FERMT2: variants seen among roughly 807,000 people sequenced by gnomAD.
FERMT2 encodes FERM domain containing kindlin 2.
A neutral mutation model predicts 82.7 loss-of-function variants in FERMT2; 15 were observed. That is an observed-to-expected ratio of 0.18 (90% CI 0.12 to 0.28). The LOEUF (loss-of-function observed/expected upper bound fraction) is 0.28. Among genes scored for constraint, FERMT2 ranks in the 10% least tolerant of loss-of-function variants. FERMT2 has a pLI of 1.00. For missense variants in FERMT2, 645 were observed against 809.4 expected, an observed-to-expected ratio of 0.80 and a Z score of 2.46; for synonymous variants, 274 against 271.5, an observed-to-expected ratio of 1.01 and a Z score of -0.09.
chr14:52,870,527 C>T (rs993827902), intron 10 of FERMT2, among the ~76,000 whole-genome samples: 4 of 152,224 alleles, frequency 2.6e-5, no homozygotes, highest in Non-Finnish European at 5.9e-5. Flanking sequence ...GGATTATAGG[C>T]ATGAGCCACC....
At position 52,950,400 on chromosome 14, in the gene FERMT2, G is replaced by C. The variant is rs765214339; in HGVS notation, c.157+12C>G. The C allele has an allele frequency of 1.2e-6, 2 of 1,610,050 alleles. No homozygotes were observed. Among genetic ancestry groups the C allele is most frequent in the Non-Finnish European group, 1.7e-6 (2 of 1,178,152 alleles). Reference sequence around the variant, plus strand: ...GAAGTCATTAGTTGGACGCGGCTGGGATGCTACTCACCGAGTTTCTCCACC... The same window carrying C: ...GAAGTCATTAGTTGGACGCGGCTGGCATGCTACTCACCGAGTTTCTCCACC... On this transcript the variant is annotated intron_variant, in intron 2 of 14. Coordinates refer to ENST00000341590, the MANE Select transcript of FERMT2 (RefSeq NM_006832.3).
At chr14:52,938,691 CAAGT>C (rs1364501210) in intron 2 of FERMT2, among the ~76,000 whole-genome samples, 3 of 152,070 alleles carry the variant, frequency 2.0e-5, no homozygotes, top group Non-Finnish European at 4.4e-5. Context: ...CTCAGCCTCC[CAAGT>C]AACTGAGACC....
intron 4 of FERMT2, among the ~76,000 whole-genome samples, chr14:52,890,966 C>T (rs1010089854): frequency 2.0e-5 from 3 of 152,156 alleles, no homozygotes; most frequent in Admixed American, 6.6e-5. Context: ...GGCAACCCTT[C>T]CCCATATTCC....
At chr14:52,950,318 T>C in intron 2 of FERMT2, 94 bp downstream of exon 2, 4 of 1,299,888 alleles carry the variant, frequency 3.1e-6, no homozygotes, top group Non-Finnish European at 4.3e-6. Context: ...ATGCCAAGAT[T>C]TCTCAAATGG....
Position 52,881,056 on chromosome 14 carries a change from A to T in FERMT2, c.835T>A (p.Phe279Ile). The T allele has an allele frequency of 6.2e-7, 1 of 1,611,048 alleles. No homozygotes were observed. Residue 279 changes from phenylalanine (F) to isoleucine (I), a missense_variant, in exon 6 of 15, where the codon TTT becomes ATT. Phe to Ile is a conservative substitution (Grantham distance 21). Transcript: ENST00000341590. Reference protein sequence around the residue: ...ALLLRFKYYSFFDLNPKYDAI... With the variant: ...ALLLRFKYYSIFDLNPKYDAI... ...GGTACCTTTGGATTCAAATCAAAAA[A>T]GCTGTAATACTTGAATCGGAGCAGC...
intron 12 of FERMT2, chr14:52,863,212 C>T (rs968303209): frequency 6.6e-6 from 1 of 151,036 alleles, no homozygotes; most frequent in African/African-American, 2.4e-5. Context: ...TAGGCTTACA[C>T]AACCTCTGAG....
chr14:52,898,923 G>C (rs1419209732), intron 3 of FERMT2, among the ~76,000 whole-genome samples: 1 of 152,150 alleles, frequency 6.6e-6, no homozygotes, highest in Non-Finnish European at 1.5e-5. Context: ...ATTACATTTC[G>C]AAAAGTTCTC....
intron 10 of FERMT2, among the ~76,000 whole-genome samples, chr14:52,870,774 T>C (rs901073861): frequency 6.6e-6 from 1 of 152,188 alleles, no homozygotes; most frequent in Non-Finnish European, 1.5e-5. Context: ...TGGTGACACA[T>C]TTCTCATAAT....
intron 12 of FERMT2, chr14:52,861,384 T>C (rs1206176598): frequency 1.3e-5 from 3 of 225,036 alleles, no homozygotes; most frequent in Non-Finnish European, 2.5e-5. Flanking sequence ...TTACATCGTG[T>C]ACCCAGTTCT....
At position 52,878,660 on chromosome 14, in the gene FERMT2, G is replaced by A. The variant is rs2357947; in HGVS notation, c.885C>T (p.Tyr295=). 1,391,900 of 1,601,368 alleles carry A rather than the reference G, an allele frequency of 0.87. 612,216 individuals are homozygous for A. The highest frequency in any genetic ancestry group is 0.9 in the Non-Finnish European group (1,052,293 of 1,171,584). Residue 295 remains tyrosine, a synonymous_variant, in exon 7 of 15, where the codon TAC becomes TAT. Transcript: ENST00000341590. The part of the protein sequence containing the change: ...KYDAIRINQL[Y]EQAKWAILLE... ...GGAGAATGGCCCATTTGGCCTGCTC[G>A]TAAAGCTGATTGATTCTGATTGCAT... is the stretch of plus-strand genomic sequence containing the variant.
intron 7 of FERMT2, among the ~76,000 whole-genome samples, chr14:52,876,379 TA>T (rs2140103115): frequency 6.6e-6 from 1 of 152,296 alleles, no homozygotes; most frequent in Non-Finnish European, 1.5e-5. Flanking sequence ...CAGAGTATAT[TA>T]AGAGTCTGGT....
Position 52,950,785 on chromosome 14 carries a change from C to T in FERMT2, c.-10+136G>A, listed in dbSNP as rs1890599475. ...AGCGTTCCTCGGTCCCGGCGCCGCCCGCCCCACACCGTCCCCGCCTAGCGG... is the reference window on the plus strand; with the variant it reads ...AGCGTTCCTCGGTCCCGGCGCCGCCTGCCCCACACCGTCCCCGCCTAGCGG... On this transcript the variant is annotated intron_variant, in intron 1 of 14. Coordinates refer to ENST00000341590, the MANE Select transcript of FERMT2 (RefSeq NM_006832.3). 1.1e-5 allele frequency: 5 copies of T among 461,472 alleles called. No homozygotes were observed. In the East Asian group the frequency reaches 1.1e-4, roughly 10 times the overall value. 28.6% of individuals were successfully genotyped at this position (461,472 alleles called of 1,614,324 possible).
chr14:52,889,061 C>T (rs949373573), intron 4 of FERMT2, among the ~76,000 whole-genome samples: 3 of 152,130 alleles, frequency 2.0e-5, no homozygotes, highest in South Asian at 2.1e-4. Flanking sequence ...GGGCTTACAG[C>T]TCAGCTCTAC....
At chr14:52,948,486 T>C (rs1890463160) in intron 2 of FERMT2, 4 of 423,504 alleles carry the variant, frequency 9.4e-6, no homozygotes, top group African/African-American at 8.3e-5. Context: ...CTATTTGGAA[T>C]TCAAAATATA....
chr14:52,904,524 A>G (rs1028056842), intron 3 of FERMT2, among the ~76,000 whole-genome samples: 12 of 151,282 alleles, frequency 7.9e-5, no homozygotes, highest in Middle Eastern at 6.8e-3. Context: ...CTCAGAAAAA[A>G]CAAACAAAAA....
chr14:52,900,098 G>GT (rs113002556), intron 3 of FERMT2, among the ~76,000 whole-genome samples: 1,871 of 151,286 alleles, frequency 0.012, 23 homozygotes, highest in African/African-American at 0.041. Context: ...ATATAGCAAT[G>GT]TTTTTTTTTG....
chr14:52,937,918 T>C (rs532428851), intron 2 of FERMT2, among the ~76,000 whole-genome samples: 2 of 152,326 alleles, frequency 1.3e-5, no homozygotes, highest in African/African-American at 4.8e-5. Context: ...GGATCCTCAA[T>C]AAAACAATTA....
chr14:52,861,054 G>T, intron 12 of FERMT2: 1 of 1,483,076 alleles, frequency 6.7e-7, no homozygotes. Flanking sequence ...GCAATGCGAG[G>T]AAAGAAAAAG....
At chr14:52,869,900 G>A (rs944243726) in intron 10 of FERMT2, among the ~76,000 whole-genome samples, 1 of 152,064 alleles carries the variant, frequency 6.6e-6, no homozygotes, top group Non-Finnish European at 1.5e-5. Context: ...TCCCAATCTC[G>A]TGGAGGCCTA....
Sources: gnomAD v4.1 joint callset for allele counts (sites outside exome capture counted in the v4.1 genomes callset) on GRCh38, gnomAD v4.1.1 for gene constraint, MANE v1.5 for transcripts, NCBI Gene and HGNC (gene_info 2026-07-23, HGNC 2026-07-21) for gene names.